The following TARS3 variants were observed in gnomAD, a reference collection of about 807,000 sequenced individuals.
TARS3 encodes the protein threonyl-tRNA synthetase 3.
A neutral mutation model predicts 103.5 loss-of-function variants in TARS3; 94 were observed. The ratio of observed to expected loss-of-function variants is 0.91; its 90% CI spans 0.77 to 1.08. The LOEUF (loss-of-function observed/expected upper bound fraction) is 1.08. Ranked by LOEUF, TARS3 falls within the 50% of genes least tolerant of loss-of-function variation. The pLI is 0.00. For synonymous variants in TARS3, 416 were observed against 355.4 expected, an observed-to-expected ratio of 1.17 and a Z score of -1.92; for missense variants, 952 against 995.2, an observed-to-expected ratio of 0.96 and a Z score of 0.58.
intron 16 of TARS3, among the ~76,000 whole-genome samples, chr15:101,661,425 A>G (rs987932635): frequency 6.6e-6 from 1 of 151,006 alleles, no homozygotes; most frequent in African/African-American, 2.4e-5. Context: ...ACAGGTAAAA[A>G]GATAACTTTA....
At chr15:101,720,730 C>G (rs1405021075) in intron 3 of TARS3, among the ~76,000 whole-genome samples, 1 of 152,174 alleles carries the variant, frequency 6.6e-6, no homozygotes, top group East Asian at 1.9e-4. Context: ...CCATAATCCC[C>G]ACGTTTTGTG....
chr15:101,703,457 G>A (rs575044721), intron 8 of TARS3, among the ~76,000 whole-genome samples: 1 of 152,178 alleles, frequency 6.6e-6, no homozygotes, highest in African/African-American at 2.4e-5. Flanking sequence ...GGGTGGGGTG[G>A]TGCAGGCCTG....
chr15:101,669,534 A>G (rs1416497321), intron 15 of TARS3, among the ~76,000 whole-genome samples: 1 of 152,182 alleles, frequency 6.6e-6, no homozygotes, highest in Non-Finnish European at 1.5e-5. Context: ...ACTCGCCTGG[A>G]GCAGCTTCCG....
At chr15:101,699,351 G>T in intron 10 of TARS3, 1 of 454,402 alleles carries the variant, frequency 2.2e-6, no homozygotes, top group Non-Finnish European at 4.4e-6. Flanking sequence ...GAGATCACTG[G>T]GTTTGTGCAT....
intron 6 of TARS3, among the ~76,000 whole-genome samples, 160 bp from the exon 7 acceptor site, chr15:101,705,907 A>C (rs1899535828): frequency 6.6e-6 from 1 of 152,206 alleles, no homozygotes; most frequent in African/African-American, 2.4e-5. Flanking sequence ...GACACCGTGC[A>C]GCATGGAGGC....
intron 2 of TARS3, 111 bp from the exon 3 acceptor site, chr15:101,721,433 T>C: frequency 1.4e-6 from 1 of 701,114 alleles, no homozygotes. Flanking sequence ...CTACAGATGG[T>C]CCCAAGCTTA....
At chr15:101,671,135 C>CT (rs35829014) in intron 15 of TARS3, among the ~76,000 whole-genome samples, 1 of 152,018 alleles carries the variant, frequency 6.6e-6, no homozygotes, top group Non-Finnish European at 1.5e-5. Context: ...ATAAAATTGC[C>CT]TTTTTTCCCC....
chr15:101,680,387 G>A (rs185845071), intron 12 of TARS3, among the ~76,000 whole-genome samples: 1 of 152,162 alleles, frequency 6.6e-6, no homozygotes, highest in Non-Finnish European at 1.5e-5. Flanking sequence ...ATCGATGCCT[G>A]TTGGCATCTG....
In TARS3 at chr15:101,715,177, C is replaced by G. The variant is rs530371144; in HGVS notation, c.567-214G>C. ...TTTTTTTTTTTTTGAGACGGAGTCTCGCTCTGTCGCCCAGGCTGGAGTGCA... is the reference window on the plus strand; with the variant it reads ...TTTTTTTTTTTTTGAGACGGAGTCTGGCTCTGTCGCCCAGGCTGGAGTGCA... On this transcript the variant is annotated intron_variant, in intron 3 of 18. Transcript: ENST00000335968. Among the ~76,000 whole-genome samples the G allele has an allele frequency of 7.5e-5, 11 of 145,978 alleles. No individual in the cohort carries two copies. The East Asian group carries it at 2.2e-3, about 29-fold the overall frequency.
intron 2 of TARS3, 44 bp from the exon 3 acceptor site, chr15:101,721,366 C>T: frequency 2.0e-6 from 3 of 1,494,144 alleles, no homozygotes; most frequent in Non-Finnish European, 1.8e-6. Flanking sequence ...ATACAGCCTA[C>T]TGTTTTCCAG....
At chr15:101,659,521 G>C (rs1209875417) in intron 16 of TARS3, among the ~76,000 whole-genome samples, 1 of 152,154 alleles carries the variant, frequency 6.6e-6, no homozygotes, top group African/African-American at 2.4e-5. Flanking sequence ...CTGGATGTAT[G>C]AAGTGCAGGG....
intron 15 of TARS3, among the ~76,000 whole-genome samples, chr15:101,667,091 A>G (rs1180268326): frequency 6.6e-6 from 1 of 152,150 alleles, no homozygotes; most frequent in Non-Finnish European, 1.5e-5. Flanking sequence ...GACCAGGTGC[A>G]TTGTCAATGA....
At chr15:101,697,118 A>T (rs1315522038) in intron 10 of TARS3, among the ~76,000 whole-genome samples, 1 of 152,176 alleles carries the variant, frequency 6.6e-6, no homozygotes, top group Non-Finnish European at 1.5e-5. Context: ...TTCCTGTCTT[A>T]CTTTTCCCTC....
In TARS3 at chr15:101,685,925, G is replaced by A. The variant is rs745881517; in HGVS notation, c.1458C>T (p.Ala486=). 6.2e-7 allele frequency: 1 copy of A among 1,613,894 alleles called. No individual in the cohort carries two copies. The highest frequency in any genetic ancestry group is 2.2e-5 in the East Asian group (1 of 44,874). The stretch of plus-strand genomic sequence containing the variant: ...GCCCTGGACAATTCATGGGTTTGAG[G>A]GCAAAAGTGTCCTTTTCAATCTCAA... ...FTFEIEKDTF[A]LKPMNCPGHC... Residue 486 remains alanine (A), a synonymous_variant, in exon 11 of 19, where the codon GCC becomes GCT. Coordinates refer to ENST00000335968, the MANE Select transcript of TARS3 (RefSeq NM_152334.3).
At position 101,722,755 on chromosome 15, in the gene TARS3, G is replaced by C. The variant is rs562430939; in HGVS notation, c.369+338C>G. Among the ~76,000 whole-genome samples the C allele has an allele frequency of 2.6e-5, 4 of 151,316 alleles. No individual in the cohort carries two copies. In the South Asian group the frequency reaches 8.4e-4, roughly 32 times the overall value. On this transcript the variant is annotated intron_variant, in intron 2 of 18. Coordinates refer to ENST00000335968, the MANE Select transcript of TARS3 (RefSeq NM_152334.3). ...AATCGCTTGAACCTGGGAGGTGGAG[G>C]CTGCAGTAACCGAGATCATGCCATT...
chr15:101,697,740 T>C (rs962849624), intron 10 of TARS3, among the ~76,000 whole-genome samples: 1 of 152,154 alleles, frequency 6.6e-6, no homozygotes, highest in Non-Finnish European at 1.5e-5. Flanking sequence ...CTACTGTAAG[T>C]GCACCTAGTA....
intron 4 of TARS3, among the ~76,000 whole-genome samples, chr15:101,712,600 A>G (rs1899922999): frequency 6.6e-6 from 1 of 152,142 alleles, no homozygotes; most frequent in Non-Finnish European, 1.5e-5. Context: ...TGAGAAGTGT[A>G]TATATGGGCT....
rs1441438613 is a variant in TARS3 at position 101,702,495 on chromosome 15, C to T, written c.1075-110G>A. 1.0e-5 allele frequency: 9 copies of T among 871,210 alleles called. No individual in the cohort carries two copies. The Admixed American group carries it at 1.1e-4, about 10-fold the overall frequency. 54.0% of individuals were successfully genotyped at this position (871,210 alleles called of 1,614,324 possible). A position where few individuals can be genotyped will look rare whatever the true frequency, so the allele number is the denominator to read the frequency against. On this transcript the variant is annotated intron_variant, in intron 8 of 18. Coordinates refer to ENST00000335968, the MANE Select transcript of TARS3 (RefSeq NM_152334.3). ...CTATCATATCAACAAAGCAGCCCTGCATGGTGGCTCATGCCTATAATCCCA... is the reference window on the plus strand; with the variant it reads ...CTATCATATCAACAAAGCAGCCCTGTATGGTGGCTCATGCCTATAATCCCA...
chr15:101,665,053 TGAGA>T (rs1352126441), intron 15 of TARS3, among the ~76,000 whole-genome samples: 4 of 152,192 alleles, frequency 2.6e-5, no homozygotes, highest in African/African-American at 9.7e-5. Context: ...GTATCCAATC[TGAGA>T]GATATACAAA....
Sources: allele counts gnomAD v4.1 joint callset (sites outside exome capture counted in the v4.1 genomes callset), GRCh38; gene constraint gnomAD v4.1.1; transcripts MANE v1.5; gene names NCBI Gene and HGNC (gene_info 2026-07-23, HGNC 2026-07-21).